The following PDGFRL variants were observed in gnomAD, a reference collection of about 807,000 sequenced individuals.
PDGFRL encodes the protein platelet-derived growth factor receptor-like protein.
Under a neutral mutation model 37.2 loss-of-function variants are expected in PDGFRL, and 46 were observed. The ratio of observed to expected loss-of-function variants is 1.24; its 90% confidence interval spans 0.98 to 1.58. The LOEUF (loss-of-function observed/expected upper bound fraction) is 1.58. Ranked by LOEUF, PDGFRL falls within the 40% of genes most tolerant of loss-of-function variation. PDGFRL has a pLI of 0.00. For synonymous variants in PDGFRL, 251 were observed against 184.3 expected, an observed-to-expected ratio of 1.36 and a Z score of -2.93; for missense variants, 692 against 467.6, an observed-to-expected ratio of 1.48 and a Z score of -4.43.
At chr8:17,624,975 TTTTTTA>T (rs1467277677) in intron 3 of PDGFRL, among the ~76,000 whole-genome samples, 4 of 129,508 alleles carry the variant, frequency 3.1e-5, no homozygotes, top group African/African-American at 1.0e-4. Context: ...ATTTATTTAT[TTTTTTA>T]TTTTTATTTT....
chr8:17,612,427 A>G (rs56756058), intron 2 of PDGFRL, among the ~76,000 whole-genome samples: 4,128 of 151,786 alleles, frequency 0.027, 77 homozygotes, highest in East Asian at 0.09. Context: ...GCCATAGTGC[A>G]GTGGCATGAT....
chr8:17,590,735 C>T (rs559411730), intron 2 of PDGFRL, among the ~76,000 whole-genome samples: 22 of 151,814 alleles, frequency 1.4e-4, no homozygotes, highest in African/African-American at 5.1e-4. Context: ...AAAATCATAC[C>T]GTGAAAGTTA....
rs1397445396 is a variant in PDGFRL, at chr8:17,583,282, TAGAG to T, written c.55+5978_55+5981del. ...AGGGCTCATGTGGGGATCCCAGAATTAGAGAGCCACCAGCAGTATGCACCCTCAC... is the reference window on the plus strand; with the variant it reads ...AGGGCTCATGTGGGGATCCCAGAATTAGCCACCAGCAGTATGCACCCTCAC... On this transcript the variant is annotated intron_variant, in intron 1 of 5. Coordinates refer to ENST00000251630, the MANE Select transcript of PDGFRL (RefSeq NM_001372073.1). Among the ~76,000 whole-genome samples, 3 of 152,006 alleles carry T rather than the reference TAGAG, an allele frequency of 2.0e-5. No homozygotes were observed. In the East Asian group the frequency reaches 5.8e-4, roughly 29 times the overall value.
At chr8:17,610,938 CGTT>C (rs974689172) in intron 2 of PDGFRL, among the ~76,000 whole-genome samples, 2 of 152,162 alleles carry the variant, frequency 1.3e-5, no homozygotes, top group African/African-American at 4.8e-5. Context: ...TTGATGATTT[CGTT>C]GTTATTTCCA....
intron 3 of PDGFRL, among the ~76,000 whole-genome samples, chr8:17,626,789 G>C (rs10096262): frequency 0.14 from 21,144 of 152,156 alleles, 2,157 homozygotes; most frequent in African/African-American, 0.29. Flanking sequence ...GCCCAGTCCA[G>C]AGTTTCTTGC....
At chr8:17,604,579 C>T (rs112640086) in intron 2 of PDGFRL, among the ~76,000 whole-genome samples, 1 of 150,816 alleles carries the variant, frequency 6.6e-6, no homozygotes. Flanking sequence ...ATACCGGGGA[C>T]TGTTGTGGGG....
chr8:17,637,217 T>C (rs1804989353), intron 5 of PDGFRL, among the ~76,000 whole-genome samples: 4 of 152,348 alleles, frequency 2.6e-5, no homozygotes, highest in African/African-American at 9.6e-5. Context: ...CTTTTTCCCA[T>C]TCAGTATAGA....
chr8:17,588,610 C>T (rs1368516844), intron 1 of PDGFRL, among the ~76,000 whole-genome samples: 1 of 152,118 alleles, frequency 6.6e-6, no homozygotes, highest in Non-Finnish European at 1.5e-5. Flanking sequence ...GAGTTCAAGG[C>T]TACAGTGAGC....
chr8:17,610,099 C>G (rs1447611209), intron 2 of PDGFRL, among the ~76,000 whole-genome samples: 2 of 152,174 alleles, frequency 1.3e-5, no homozygotes, highest in Non-Finnish European at 2.9e-5. Flanking sequence ...TGCACGCCTG[C>G]CCATTAGTAA....
chr8:17,638,978 G>A (rs1805037656), intron 5 of PDGFRL, among the ~76,000 whole-genome samples: 1 of 151,558 alleles, frequency 6.6e-6, no homozygotes, highest in Admixed American at 6.6e-5. Flanking sequence ...GAACCTGGGA[G>A]GTGGAGGTTG....
At chr8:17,606,418 A>G (rs1360616982) in intron 2 of PDGFRL, among the ~76,000 whole-genome samples, 2 of 152,104 alleles carry the variant, frequency 1.3e-5, no homozygotes, top group Non-Finnish European at 2.9e-5. Context: ...CATGGGTCCA[A>G]TTGGGGTCTA....
At chr8:17,596,799 C>G (rs937637425) in intron 2 of PDGFRL, among the ~76,000 whole-genome samples, 11 of 152,168 alleles carry the variant, frequency 7.2e-5, no homozygotes, top group African/African-American at 2.7e-4. Flanking sequence ...CTATATCAAC[C>G]ACAGATGTGC....
At chr8:17,589,835 A>C in intron 2 of PDGFRL, 70 bp downstream of exon 2, 2 of 869,472 alleles carry the variant, frequency 2.3e-6, no homozygotes, top group South Asian at 1.7e-5. Flanking sequence ...CTTCTTAACT[A>C]TTATTACACA....
At position 17,589,718 on chromosome 8, in the gene PDGFRL, G is replaced by A. The variant is rs754738386; in HGVS notation, c.306G>A (p.Gly102=). 9 of 1,613,568 alleles carry A rather than the reference G, an allele frequency of 5.6e-6. No homozygotes were observed. The highest frequency in any genetic ancestry group is 4.4e-5 in the South Asian group (4 of 91,070). Residue 102 remains glycine (G), a synonymous_variant, in exon 2 of 6, where the codon GGG becomes GGA. Transcript: ENST00000251630. ...VELRCKGSRI[G]WSYPAYLDTF... ...TTCGATGTAAAGGGAGTAGAATTGG[G>A]TGGAGCTACCCTGCGTATCTGGACA...
At chr8:17,610,888 G>A (rs1401496404) in intron 2 of PDGFRL, among the ~76,000 whole-genome samples, 4 of 152,170 alleles carry the variant, frequency 2.6e-5, no homozygotes, top group Non-Finnish European at 5.9e-5. Context: ...TCCAGCCTGG[G>A]GGACAGTGAG....
chr8:17,608,279 A>T (rs1008405981), intron 2 of PDGFRL, among the ~76,000 whole-genome samples: 2 of 152,118 alleles, frequency 1.3e-5, no homozygotes, highest in Admixed American at 6.5e-5. Context: ...TCTCAGTTAC[A>T]TTGGAGCAGA....
chr8:17,637,184 G>C (rs993959454), intron 5 of PDGFRL, among the ~76,000 whole-genome samples: 1 of 152,190 alleles, frequency 6.6e-6, no homozygotes, highest in African/African-American at 2.4e-5. Flanking sequence ...TCTTGTTGCA[G>C]TTCTCAGGGG....
At chr8:17,583,629 A>G (rs1322816285) in intron 1 of PDGFRL, among the ~76,000 whole-genome samples, 1 of 152,104 alleles carries the variant, frequency 6.6e-6, no homozygotes, top group Admixed American at 6.5e-5. Flanking sequence ...AAATTTGATC[A>G]CCAGTGTTGG....
chr8:17,611,346 A>T (rs994985346), intron 2 of PDGFRL, among the ~76,000 whole-genome samples: 1 of 152,250 alleles, frequency 6.6e-6, no homozygotes, highest in Non-Finnish European at 1.5e-5. Flanking sequence ...ATTCTCTTCT[A>T]TTCTGTACAC....
Sources: gnomAD v4.1 joint callset for allele counts (sites outside exome capture counted in the v4.1 genomes callset) on GRCh38, gnomAD v4.1.1 for gene constraint, MANE v1.5 for transcripts, NCBI Gene and HGNC (gene_info 2026-07-23, HGNC 2026-07-21) for gene names.